The following CCDC148 variants were observed in gnomAD, a reference collection of about 807,000 sequenced individuals.
The protein encoded by CCDC148 is coiled-coil domain-containing protein 148.
In CCDC148, 89 loss-of-function variants were observed where a neutral mutation model predicts 85.7. That is an observed-to-expected ratio of 1.04 (90% CI 0.87 to 1.24). The LOEUF is 1.24. Ranked by LOEUF, CCDC148 falls within the 50% of genes most tolerant of loss-of-function variation. CCDC148 has a pLI of 0.00. For synonymous variants in CCDC148, 230 were observed against 213.9 expected, an observed-to-expected ratio of 1.08 and a Z score of -0.66; for missense variants, 692 against 671.7, an observed-to-expected ratio of 1.03 and a Z score of -0.33.
At chr2:158,399,744 T>C (rs1256938564) in intron 1 of CCDC148, among the ~76,000 whole-genome samples, 3 of 152,140 alleles carry the variant, frequency 2.0e-5, no homozygotes, top group Non-Finnish European at 4.4e-5. Flanking sequence ...TCTCCACTCC[T>C]ATTCAACATA....
chr2:158,184,653 G>A (rs1051422082), intron 11 of CCDC148, among the ~76,000 whole-genome samples: 1 of 152,040 alleles, frequency 6.6e-6, no homozygotes, highest in Non-Finnish European at 1.5e-5. Flanking sequence ...GCAATGCCAA[G>A]GCCTCGCTCC....
intron 2 of CCDC148, among the ~76,000 whole-genome samples, chr2:158,356,129 A>G (rs1392326869): frequency 7.8e-6 from 1 of 129,022 alleles, no homozygotes; most frequent in Non-Finnish European, 1.6e-5. Context: ...TAAAAACCCT[A>G]GAAGAAAACC....
At chr2:158,188,326 TA>T (rs1483702586) in intron 11 of CCDC148, among the ~76,000 whole-genome samples, 26 of 152,154 alleles carry the variant, frequency 1.7e-4, no homozygotes, top group African/African-American at 5.8e-4. Context: ...AAATCATGTA[TA>T]TGCTTAAGTA....
chr2:158,173,262 C>G (rs1684404342), intron 13 of CCDC148, among the ~76,000 whole-genome samples: 1 of 151,876 alleles, frequency 6.6e-6, no homozygotes, highest in Non-Finnish European at 1.5e-5. Context: ...GTGAAATAGG[C>G]CAACTTGGGA....
Position 158,243,889 on chromosome 2 carries a change from A to G in CCDC148, c.1251+6883T>C, listed in dbSNP as rs2105322700. Among the ~76,000 whole-genome samples the G allele has an allele frequency of 2.5e-5, 3 of 119,052 alleles. No individual in the cohort carries two copies. The South Asian group carries it at 1.1e-3, about 45-fold the overall frequency. 78.1% of individuals were successfully genotyped at this position (119,052 alleles called of 152,430 possible). A position where few individuals can be genotyped will look rare whatever the true frequency, so the allele number is the denominator to read the frequency against. ...AGAAAGAATCCAGGTGGCACCTTCAACATTTTTTTTTTTTGATATCTTAGT... is the reference window on the plus strand; with the variant it reads ...AGAAAGAATCCAGGTGGCACCTTCAGCATTTTTTTTTTTTGATATCTTAGT... On this transcript the variant is annotated intron_variant, in intron 10 of 13. Coordinates refer to ENST00000283233, the MANE Select transcript of CCDC148 (RefSeq NM_138803.4).
chr2:158,244,023 T>C (rs1688460740), intron 10 of CCDC148, among the ~76,000 whole-genome samples: 1 of 152,122 alleles, frequency 6.6e-6, no homozygotes. Context: ...TCCTAATTTT[T>C]CCAGTTTCCA....
intron 1 of CCDC148, among the ~76,000 whole-genome samples, chr2:158,434,031 C>T (rs1488030311): frequency 6.6e-6 from 1 of 152,224 alleles, no homozygotes; most frequent in African/African-American, 2.4e-5. Flanking sequence ...TCTGTAGACT[C>T]CACCTCTGGG....
Position 158,433,620 on chromosome 2 carries a change from C to T in CCDC148, c.25+22795G>A, listed in dbSNP as rs113488633. Among the ~76,000 whole-genome samples, 186 of 152,188 alleles carry T rather than the reference C, an allele frequency of 1.2e-3. 1 individual carries two copies. The highest frequency in any genetic ancestry group is 4.2e-3 in the African/African-American group (176 of 41,528). On this transcript the variant is annotated intron_variant, in intron 1 of 13. Transcript: ENST00000283233. ...CTGAGGTACCAGATTCATCTCACTG[C>T]GGCTTGTCAGACAGTGGGTGCAGCA...
At chr2:158,433,074 C>CAAAAAAAAAAAA (rs755383954) in intron 1 of CCDC148, among the ~76,000 whole-genome samples, 6 of 74,018 alleles carry the variant, frequency 8.1e-5, no homozygotes, top group African/African-American at 1.5e-4. Context: ...CTCATCTCTA[C>CAAAAAAAAAAAA]AAAAAAAAAA....
chr2:158,373,981 G>C (rs1266181405), intron 1 of CCDC148, among the ~76,000 whole-genome samples: 4 of 152,018 alleles, frequency 2.6e-5, no homozygotes, highest in Non-Finnish European at 5.9e-5. Context: ...TGCTGAAAGA[G>C]CATTAAGTGA....
At chr2:158,329,313 T>C (rs1368658594) in intron 7 of CCDC148, among the ~76,000 whole-genome samples, 1 of 152,234 alleles carries the variant, frequency 6.6e-6, no homozygotes, top group East Asian at 1.9e-4. Context: ...TTGTCAAAGA[T>C]CAGATGGTTG....
At chr2:158,328,510 A>G (rs1285650177) in intron 7 of CCDC148, among the ~76,000 whole-genome samples, 3 of 152,034 alleles carry the variant, frequency 2.0e-5, no homozygotes, top group Non-Finnish European at 2.9e-5. Flanking sequence ...ATGATTTATA[A>G]TCCTTTGGGT....
At chr2:158,368,268 C>T (rs1258412320) in intron 1 of CCDC148, among the ~76,000 whole-genome samples, 2 of 152,042 alleles carry the variant, frequency 1.3e-5, no homozygotes, top group African/African-American at 2.4e-5. Flanking sequence ...GTTCTTTATC[C>T]CATTTCTAAA....
chr2:158,456,687 T>A lies in CCDC148; in HGVS notation c.-248A>T. On this transcript the variant is annotated 5_prime_UTR_variant, in exon 1 of 14. Transcript: ENST00000283233. ...GCCACCCCCTCCCGCGCCCGAGACC[T>A]GAGACACCTTCTCTCTCACACCCAC... is the stretch of plus-strand genomic sequence containing the variant. The A allele has an allele frequency of 1.8e-6, 1 of 562,414 alleles. No homozygotes were observed. Among genetic ancestry groups the A allele is most frequent in the Non-Finnish European group, 3.2e-6 (1 of 316,310 alleles). The allele number at this position is 562,414 out of a possible 1,614,324, so 34.8% of individuals were successfully genotyped here.
intron 9 of CCDC148, among the ~76,000 whole-genome samples, chr2:158,284,256 C>G (rs889386603): frequency 8.6e-5 from 13 of 151,508 alleles, no homozygotes; most frequent in African/African-American, 2.9e-4. Context: ...GCACATGTAC[C>G]CTAAAACTTA....
rs551943748 is a variant in CCDC148 at position 158,256,782 on chromosome 2, C to T, written c.1111-5870G>A. Among the ~76,000 whole-genome samples, 3 of 151,860 alleles carry T rather than the reference C, an allele frequency of 2.0e-5. No homozygotes were observed. The South Asian group carries it at 6.2e-4, about 32-fold the overall frequency. On this transcript the variant is annotated intron_variant, in intron 9 of 13. Transcript: ENST00000283233. ...CCTACTCAAGTCTTGGCTCAGATGCCATTTGCTCCAGGAAGGCTTTCCTAA... is the reference window on the plus strand; with the variant it reads ...CCTACTCAAGTCTTGGCTCAGATGCTATTTGCTCCAGGAAGGCTTTCCTAA...
intron 10 of CCDC148, among the ~76,000 whole-genome samples, chr2:158,247,369 T>C: frequency 6.6e-6 from 1 of 152,162 alleles, no homozygotes; most frequent in East Asian, 1.9e-4. Context: ...CAAAATCTTA[T>C]AAAGTTGAAA....
chr2:158,313,084 G>A (rs1437489995), intron 8 of CCDC148, among the ~76,000 whole-genome samples: 2 of 152,204 alleles, frequency 1.3e-5, no homozygotes, highest in African/African-American at 4.8e-5. Context: ...TTGTTTACGT[G>A]TATGTTATAA....
intron 9 of CCDC148, among the ~76,000 whole-genome samples, chr2:158,294,200 C>G (rs1691060599): frequency 6.6e-6 from 1 of 151,906 alleles, no homozygotes; most frequent in African/African-American, 2.4e-5. Flanking sequence ...TTGTGTCTGA[C>G]ATATTTTGTT....
Sources: allele counts gnomAD v4.1 joint callset (sites outside exome capture counted in the v4.1 genomes callset), GRCh38; gene constraint gnomAD v4.1.1; transcripts MANE v1.5; gene names NCBI Gene and HGNC (gene_info 2026-07-23, HGNC 2026-07-21).